CADPS2: variants seen among roughly 807,000 people sequenced by gnomAD.
CADPS2 encodes calcium dependent secretion activator 2.
A neutral mutation model predicts 172.5 loss-of-function variants in CADPS2; 93 were observed. That is an observed-to-expected ratio of 0.54 (90% CI 0.46 to 0.64). CADPS2 has a LOEUF of 0.64. Among genes scored for constraint, CADPS2 ranks in the 30% least tolerant of loss-of-function variants. CADPS2 has a pLI of 0.00. For synonymous variants in CADPS2, 546 were observed against 555.2 expected (o/e 0.98, Z 0.23); for missense variants, 1,420 against 1,565.9 (o/e 0.91, Z 1.57).
At chr7:122,628,743 G>T (rs2471211) in intron 4 of CADPS2, among the ~76,000 whole-genome samples, 75,749 of 146,368 alleles carry the variant, frequency 0.52, 19,858 homozygotes, top group East Asian at 0.72. Flanking sequence ...ACAATATGAT[G>T]AATTTCTTGT....
At chr7:122,394,377 T>C (rs2044782897) in intron 20 of CADPS2, among the ~76,000 whole-genome samples, 1 of 152,146 alleles carries the variant, frequency 6.6e-6, no homozygotes, top group South Asian at 2.1e-4. Flanking sequence ...CATTAAAAAA[T>C]AGAGAATCTA....
At chr7:122,377,262 T>G (rs1487521891) in intron 25 of CADPS2, among the ~76,000 whole-genome samples, 1 of 152,198 alleles carries the variant, frequency 6.6e-6, no homozygotes, top group Non-Finnish European at 1.5e-5. Context: ...TTAGAATATC[T>G]TTTCCTTACT....
At chr7:122,366,949 G>A (rs2040994974) in intron 25 of CADPS2, 1 of 151,980 alleles carries the variant, frequency 6.6e-6, no homozygotes, top group Admixed American at 6.6e-5. Context: ...ACTTAGACCA[G>A]ATGTTGGTGA....
chr7:122,347,925 G>A (rs946919118), intron 27 of CADPS2, among the ~76,000 whole-genome samples: 5 of 152,150 alleles, frequency 3.3e-5, no homozygotes, highest in African/African-American at 4.8e-5. Context: ...GCTGCAGAAC[G>A]AAAGTGACAT....
At chr7:122,819,916 T>C (rs1384444845) in intron 1 of CADPS2, among the ~76,000 whole-genome samples, 2 of 152,070 alleles carry the variant, frequency 1.3e-5, no homozygotes, top group Admixed American at 1.3e-4. Flanking sequence ...CAATATCCCA[T>C]CCTGCAGCAT....
chr7:122,771,900 T>C (rs1289933251), intron 1 of CADPS2, among the ~76,000 whole-genome samples: 3 of 152,176 alleles, frequency 2.0e-5, no homozygotes, highest in African/African-American at 7.2e-5. Context: ...CATTTAACTT[T>C]AACAATTGAA....
intron 8 of CADPS2, among the ~76,000 whole-genome samples, chr7:122,514,981 T>G (rs1344632170): frequency 7.9e-5 from 12 of 152,162 alleles, no homozygotes. Flanking sequence ...TTATGGCAGA[T>G]TTAAGTTTCC....
intron 1 of CADPS2, among the ~76,000 whole-genome samples, chr7:122,838,958 C>A (rs1033920427): frequency 1.3e-5 from 2 of 152,134 alleles, no homozygotes; most frequent in African/African-American, 4.8e-5. Flanking sequence ...CAAAAAAGAG[C>A]CTGTATTGCC....
intron 14 of CADPS2, among the ~76,000 whole-genome samples, chr7:122,466,681 T>A (rs1161115762): frequency 1.3e-5 from 2 of 152,204 alleles, no homozygotes; most frequent in African/African-American, 2.4e-5. Context: ...TTAAGCAATA[T>A]TTCATCGTTT....
At chr7:122,693,166 A>C (rs930954564) in intron 2 of CADPS2, among the ~76,000 whole-genome samples, 1 of 152,134 alleles carries the variant, frequency 6.6e-6, no homozygotes, top group East Asian at 1.9e-4. Flanking sequence ...GTGACACTCA[A>C]AGCTCCTTTA....
intron 1 of CADPS2, among the ~76,000 whole-genome samples, chr7:122,795,439 G>A (rs1796158932): frequency 6.6e-6 from 1 of 151,868 alleles, no homozygotes; most frequent in Non-Finnish European, 1.5e-5. Context: ...GACCAATAAT[G>A]AGCTCTAAAA....
rs770513017 is a variant in CADPS2, at chr7:122,621,604, T to G, written c.981A>C (p.Lys327Asn). Residue 327 changes from lysine to asparagine, a missense_variant, in exon 5 of 30, where the codon AAA becomes AAC. Coordinates refer to ENST00000449022, the MANE Select transcript of CADPS2 (RefSeq NM_017954.11). ...TTTGTAATTTAAATTCCGGACCACC[T>G]TTCGAAACTGGAAGACTTTCCAAAT... ...MANLESLPVS[K>N]GGPEFKLQKL... The G allele has an allele frequency of 6.2e-7, 1 of 1,613,708 alleles. No homozygotes were observed. Among genetic ancestry groups the G allele is most frequent in the Admixed American group, 1.7e-5 (1 of 59,994 alleles).
intron 25 of CADPS2, among the ~76,000 whole-genome samples, chr7:122,362,032 T>C (rs1353912435): frequency 6.6e-6 from 1 of 151,350 alleles, no homozygotes; most frequent in Non-Finnish European, 1.5e-5. Context: ...ATGCCATTGC[T>C]CTCCAGCCTG....
intron 2 of CADPS2, among the ~76,000 whole-genome samples, chr7:122,716,968 T>C (rs1390426583): frequency 6.6e-6 from 1 of 152,180 alleles, no homozygotes; most frequent in Non-Finnish European, 1.5e-5. Context: ...AAATTTCAAA[T>C]GTTGACAAAC....
chr7:122,539,767 GTCTC>G (rs893155861), intron 8 of CADPS2, among the ~76,000 whole-genome samples: 2 of 65,770 alleles, frequency 3.0e-5, no homozygotes, highest in Non-Finnish European at 6.0e-5. Context: ...CTCTGTCTCT[GTCTC>G]TCTCTTTCTG....
At chr7:122,811,201 T>A (rs1015700507) in intron 1 of CADPS2, among the ~76,000 whole-genome samples, 4 of 152,210 alleles carry the variant, frequency 2.6e-5, no homozygotes, top group African/African-American at 9.7e-5. Flanking sequence ...TCAATTCTTC[T>A]AGTAACACCC....
At chr7:122,541,810 TATATTC>T (rs1465046204) in intron 8 of CADPS2, among the ~76,000 whole-genome samples, 2 of 60,356 alleles carry the variant, frequency 3.3e-5, no homozygotes, top group African/African-American at 1.5e-4. Context: ...TATATATTTA[TATATTC>T]ATATGTTTAT....
At chr7:122,768,421 A>T (rs1405371638) in intron 1 of CADPS2, among the ~76,000 whole-genome samples, 2 of 152,200 alleles carry the variant, frequency 1.3e-5, no homozygotes, top group Non-Finnish European at 2.9e-5. Flanking sequence ...GATTTAGGAC[A>T]TTTCTAAAAT....
intron 6 of CADPS2, among the ~76,000 whole-genome samples, chr7:122,612,684 A>G (rs2074440674): frequency 6.6e-6 from 1 of 152,084 alleles, no homozygotes; most frequent in South Asian, 2.1e-4. Flanking sequence ...AATCTTTACA[A>G]AAGTTGATAA....
Sources: gnomAD v4.1 joint callset for allele counts (sites outside exome capture counted in the v4.1 genomes callset) on GRCh38, gnomAD v4.1.1 for gene constraint, MANE v1.5 for transcripts, NCBI Gene and HGNC (gene_info 2026-07-23, HGNC 2026-07-21) for gene names.